NEDD4L: variants seen among roughly 807,000 people sequenced by gnomAD.
NEDD4L encodes the protein NEDD4 like E3 ubiquitin protein ligase.
Under a neutral mutation model 148.9 loss-of-function variants are expected in NEDD4L, and 54 were observed. The observed-to-expected ratio is 0.36, with a 90% CI of 0.29 to 0.45. NEDD4L has a LOEUF of 0.45. Among genes scored for constraint, NEDD4L ranks in the 20% least tolerant of loss-of-function variants. The probability of loss-of-function intolerance (pLI) is 1.00; values close to 1 mark genes in which losing one functional copy is unlikely to be tolerated. For missense variants in NEDD4L, 856 were observed against 1,233.8 expected (o/e 0.69, Z 4.59); for synonymous variants, 433 against 440.7 (o/e 0.98, Z 0.22).
At chr18:58,350,713 A>G (rs1360567292) in intron 17 of NEDD4L, among the ~76,000 whole-genome samples, 1 of 152,216 alleles carries the variant, frequency 6.6e-6, no homozygotes, top group African/African-American at 2.4e-5. Flanking sequence ...TGTTCCATGG[A>G]ATGCTGCGGT....
intron 1 of NEDD4L, among the ~76,000 whole-genome samples, chr18:58,053,285 C>T (rs8098066): frequency 0.029 from 4,468 of 152,024 alleles, 218 homozygotes; most frequent in African/African-American, 0.1. Context: ...GCATCTCCAG[C>T]TCCTGGTCTT....
chr18:58,282,651 G>A (rs977010563), intron 5 of NEDD4L, among the ~76,000 whole-genome samples: 13 of 152,282 alleles, frequency 8.5e-5, no homozygotes, highest in Admixed American at 2.0e-4. Flanking sequence ...GAGTTTGAGT[G>A]TTTTTAGTAG....
intron 24 of NEDD4L, among the ~76,000 whole-genome samples, chr18:58,382,741 A>G (rs1054228535): frequency 2.0e-4 from 30 of 152,212 alleles, no homozygotes; most frequent in Non-Finnish European, 4.0e-4. Flanking sequence ...AAATGCCTTC[A>G]AAAACCAGAT....
At chr18:58,286,521 C>T (rs1169178303) in intron 5 of NEDD4L, among the ~76,000 whole-genome samples, 1 of 152,038 alleles carries the variant, frequency 6.6e-6, no homozygotes, top group Non-Finnish European at 1.5e-5. Context: ...TGAAGGCATC[C>T]TGTGAAGACA....
intron 5 of NEDD4L, among the ~76,000 whole-genome samples, chr18:58,293,233 G>T (rs1019811205): frequency 8.5e-5 from 13 of 152,172 alleles, no homozygotes; most frequent in East Asian, 1.9e-4. Flanking sequence ...TTCTTCAGGT[G>T]GGGGGATAAT....
chr18:58,391,449 C>A, intron 29 of NEDD4L, 38 bp from the exon 30 acceptor site: 1 of 1,491,310 alleles, frequency 6.7e-7, no homozygotes, highest in South Asian at 1.2e-5. Flanking sequence ...TCTTCTGCCC[C>A]AAGCAATCTT....
chr18:58,192,104 G>A (rs2147204442), intron 2 of NEDD4L, among the ~76,000 whole-genome samples: 1 of 152,286 alleles, frequency 6.6e-6, no homozygotes, highest in South Asian at 2.1e-4. Flanking sequence ...ACAAGAGTTG[G>A]AGGTTGCAGT....
In NEDD4L at chr18:58,357,382, CT is replaced by C; in HGVS notation, c.1767+133del. On this transcript the variant is annotated intron_variant, in intron 19 of 30. Transcript: ENST00000400345. ...TGAGTAGTTGACTAGAAACAGAGCACTTTGCTGCCATCTCCTTACTGAAGTT... is the reference window on the plus strand; with the variant it reads ...TGAGTAGTTGACTAGAAACAGAGCACTTGCTGCCATCTCCTTACTGAAGTT... The C allele has an allele frequency of 3.5e-6, 3 of 866,794 alleles. No homozygotes were observed. The East Asian group carries it at 7.3e-5, about 21-fold the overall frequency. 53.7% of individuals were successfully genotyped at this position (866,794 alleles called of 1,614,324 possible). A position where few individuals can be genotyped will look rare whatever the true frequency, so the allele number is the denominator to read the frequency against.
intron 1 of NEDD4L, among the ~76,000 whole-genome samples, chr18:58,082,173 T>G (rs2083490548): frequency 7.1e-6 from 1 of 141,522 alleles, no homozygotes; most frequent in Non-Finnish European, 1.5e-5. Context: ...AATGGCATGA[T>G]CTCAGCTCAC....
At chr18:58,081,864 A>G (rs1265794712) in intron 1 of NEDD4L, among the ~76,000 whole-genome samples, 3 of 151,982 alleles carry the variant, frequency 2.0e-5, no homozygotes, top group Admixed American at 6.6e-5. Flanking sequence ...CATAGAATTG[A>G]AATTGCCTAT....
At chr18:58,231,446 TG>T in intron 2 of NEDD4L, among the ~76,000 whole-genome samples, 1 of 151,688 alleles carries the variant, frequency 6.6e-6, no homozygotes, top group East Asian at 1.9e-4. Flanking sequence ...TCCAAGGCCA[TG>T]GGGGGAAAGC....
At chr18:58,130,315 G>T (rs1279720712) in intron 1 of NEDD4L, among the ~76,000 whole-genome samples, 1 of 140,218 alleles carries the variant, frequency 7.1e-6, no homozygotes, top group African/African-American at 2.7e-5. Context: ...GTTTGGTTGT[G>T]AGTGGAACTG....
chr18:58,385,728 C>T (rs1201594246), intron 26 of NEDD4L, 142 bp downstream of exon 26: 2 of 681,240 alleles, frequency 2.9e-6, no homozygotes, highest in East Asian at 2.7e-5. Flanking sequence ...ACCGGGATCG[C>T]ACAGCTCACA....
At chr18:58,350,554 A>G (rs184623440) in intron 17 of NEDD4L, among the ~76,000 whole-genome samples, 28 of 152,366 alleles carry the variant, frequency 1.8e-4, no homozygotes, top group East Asian at 5.8e-4. Flanking sequence ...GCAAAAGTTC[A>G]TGGTGGATAA....
At chr18:58,204,365 G>C (rs544540484) in intron 2 of NEDD4L, among the ~76,000 whole-genome samples, 2 of 152,194 alleles carry the variant, frequency 1.3e-5, no homozygotes, top group Admixed American at 1.3e-4. Context: ...TCATAGATCT[G>C]TCTGTACCTT....
intron 13 of NEDD4L, among the ~76,000 whole-genome samples, chr18:58,337,453 C>G (rs2041915566): frequency 6.6e-6 from 1 of 152,208 alleles, no homozygotes; most frequent in African/African-American, 2.4e-5. Context: ...CTGCACATCA[C>G]TCACACTGAA....
At chr18:58,168,070 T>C (rs1362323553) in intron 2 of NEDD4L, among the ~76,000 whole-genome samples, 1 of 152,226 alleles carries the variant, frequency 6.6e-6, no homozygotes, top group Non-Finnish European at 1.5e-5. Flanking sequence ...GGGTCATTTC[T>C]AAGGGACATG....
chr18:58,272,458 A>G (rs2051184543), intron 5 of NEDD4L, among the ~76,000 whole-genome samples: 1 of 152,110 alleles, frequency 6.6e-6, no homozygotes, highest in African/African-American at 2.4e-5. Context: ...CAACATGGCA[A>G]AACCTTGTCT....
At chr18:58,273,564 CT>C (rs963004180) in intron 5 of NEDD4L, among the ~76,000 whole-genome samples, 49 of 152,288 alleles carry the variant, frequency 3.2e-4, no homozygotes, top group Admixed American at 2.1e-3. Flanking sequence ...TCCTTCTTCA[CT>C]TTTGAATCAT....
Sources: gnomAD v4.1 joint callset for allele counts (sites outside exome capture counted in the v4.1 genomes callset) on GRCh38, gnomAD v4.1.1 for gene constraint, MANE v1.5 for transcripts, NCBI Gene and HGNC (gene_info 2026-07-23, HGNC 2026-07-21) for gene names.